Variants in DTWD2 observed in about 807,000 individuals in gnomAD.
DTWD2 encodes tRNA-uridine aminocarboxypropyltransferase 2.
In DTWD2, 39 loss-of-function variants were observed where a neutral mutation model predicts 31.8. That is an observed-to-expected ratio of 1.22 (90% CI 0.95 to 1.60). The LOEUF (loss-of-function observed/expected upper bound fraction) is 1.60, where lower values mean the gene tolerates loss of function less well. Among genes scored for constraint, DTWD2 ranks in the 40% most tolerant of loss-of-function variants. The pLI, the probability that DTWD2 is intolerant of heterozygous loss-of-function variation, is 0.00. For synonymous variants in DTWD2, 180 were observed against 142.8 expected (o/e 1.26, Z -1.86); for missense variants, 515 against 381.5 (o/e 1.35, Z -2.92).
chr5:118,967,845 G>A (rs1004011123), intron 1 of DTWD2, among the ~76,000 whole-genome samples: 3 of 152,222 alleles, frequency 2.0e-5, no homozygotes, highest in Middle Eastern at 6.8e-3. Flanking sequence ...ACTAAAATCA[G>A]TGGGCAAAAA....
intron 4 of DTWD2, among the ~76,000 whole-genome samples, chr5:118,924,040 G>C (rs1452445480): frequency 6.6e-6 from 1 of 152,170 alleles, no homozygotes; most frequent in Admixed American, 6.5e-5. Flanking sequence ...CACAGATTCT[G>C]TATCCCTCCC....
At chr5:118,875,465 A>AT (rs1752598901) in intron 4 of DTWD2, among the ~76,000 whole-genome samples, 1 of 151,096 alleles carries the variant, frequency 6.6e-6, no homozygotes, top group Non-Finnish European at 1.5e-5. Flanking sequence ...ACCATCTCAC[A>AT]TGCAGTGATA....
chr5:118,858,685 G>C (rs1752192879), intron 4 of DTWD2, among the ~76,000 whole-genome samples: 1 of 151,922 alleles, frequency 6.6e-6, no homozygotes, highest in African/African-American at 2.4e-5. Flanking sequence ...CAAACTTCTT[G>C]CTATTTTATT....
At chr5:118,898,295 C>T (rs1332970422) in intron 4 of DTWD2, among the ~76,000 whole-genome samples, 2 of 152,074 alleles carry the variant, frequency 1.3e-5, no homozygotes, top group Non-Finnish European at 2.9e-5. Context: ...TGGTCAGTTG[C>T]TACTGGGCAA....
intron 3 of DTWD2, among the ~76,000 whole-genome samples, chr5:118,937,249 A>T (rs1380773115): frequency 6.6e-6 from 1 of 152,134 alleles, no homozygotes; most frequent in African/African-American, 2.4e-5. Context: ...ACAAAACTCA[A>T]CAAACACCCA....
chr5:118,924,746 AAC>A (rs1256710335), intron 4 of DTWD2, among the ~76,000 whole-genome samples: 7 of 152,228 alleles, frequency 4.6e-5, no homozygotes, highest in Admixed American at 3.9e-4. Flanking sequence ...TCCATTTAGA[AAC>A]AGTATACCAC....
At chr5:118,900,692 C>T (rs1215698361) in intron 4 of DTWD2, among the ~76,000 whole-genome samples, 1 of 151,878 alleles carries the variant, frequency 6.6e-6, no homozygotes, top group African/African-American at 2.4e-5. Context: ...TTTGGGAGGC[C>T]AAGACGGGCA....
chr5:118,939,240 C>G lies in DTWD2; in HGVS notation c.360G>C (p.Gln120His). The G allele has an allele frequency of 6.2e-7, 1 of 1,603,056 alleles. No individual in the cohort carries two copies. The change falls in exon 3 of 6, where the codon CAG (glutamine) becomes CAC (histidine). Residue 120 changes from glutamine (Q) to histidine (H), a missense_variant. Transcript: ENST00000510708. ...GACCGATCTTCACTTTACACTTGTC[C>G]TGGGGGAGGCATGCTGCTAGTAGAG... is the stretch of plus-strand genomic sequence containing the variant. ...TVPLLAACLP[Q>H]DKCKVKIGRR... is the part of the protein sequence containing the mutation.
At chr5:118,976,459 GA>G (rs573618009) in intron 1 of DTWD2, among the ~76,000 whole-genome samples, 2,542 of 151,948 alleles carry the variant, frequency 0.017, 74 homozygotes, top group African/African-American at 0.058. Context: ...TAATAAAGAA[GA>G]AAAAAGAGAA....
intron 4 of DTWD2, among the ~76,000 whole-genome samples, chr5:118,858,823 C>CA (rs1752195582): frequency 6.6e-6 from 1 of 152,154 alleles, no homozygotes; most frequent in Non-Finnish European, 1.5e-5. Flanking sequence ...TGTCTCAAAA[C>CA]AAATACAGCT....
intron 4 of DTWD2, among the ~76,000 whole-genome samples, chr5:118,880,837 A>C (rs1355186428): frequency 6.6e-6 from 1 of 152,198 alleles, no homozygotes; most frequent in Non-Finnish European, 1.5e-5. Context: ...TAGTTTGAAG[A>C]AGTATTTTGT....
At chr5:118,882,375 T>C (rs1348814596) in intron 4 of DTWD2, among the ~76,000 whole-genome samples, 1 of 152,214 alleles carries the variant, frequency 6.6e-6, no homozygotes, top group Non-Finnish European at 1.5e-5. Flanking sequence ...ATCTGTGGCT[T>C]TTCCAGGTGC....
intron 1 of DTWD2, among the ~76,000 whole-genome samples, chr5:118,961,148 C>T (rs553433254): frequency 6.6e-5 from 10 of 152,034 alleles, no homozygotes; most frequent in Admixed American, 5.2e-4. Flanking sequence ...AGAGAACAAA[C>T]GTCTCATGTC....
chr5:118,911,025 T>C (rs1235157227), intron 4 of DTWD2, among the ~76,000 whole-genome samples: 3 of 152,148 alleles, frequency 2.0e-5, no homozygotes, highest in Non-Finnish European at 4.4e-5. Context: ...AGGTTTCAAA[T>C]AAAAATTTTG....
At chr5:118,905,093 T>C (rs893561261) in intron 4 of DTWD2, among the ~76,000 whole-genome samples, 1 of 152,166 alleles carries the variant, frequency 6.6e-6, no homozygotes, top group African/African-American at 2.4e-5. Flanking sequence ...CATATGTATG[T>C]ACATGTGTGG....
intron 1 of DTWD2, among the ~76,000 whole-genome samples, chr5:118,971,602 G>C (rs1216006887): frequency 6.6e-6 from 1 of 152,060 alleles, no homozygotes; most frequent in Non-Finnish European, 1.5e-5. Flanking sequence ...AGATATTCAG[G>C]ACCTGAACTT....
intron 5 of DTWD2, 44 bp from the exon 6 acceptor site, chr5:118,841,131 C>G: frequency 1.3e-6 from 2 of 1,558,382 alleles, no homozygotes; most frequent in Non-Finnish European, 1.7e-6. Context: ...TGTGACAAAT[C>G]ATGATATTCT....
intron 1 of DTWD2, among the ~76,000 whole-genome samples, chr5:118,958,584 CA>C (rs139781494): frequency 0.46 from 49,604 of 107,762 alleles, 9,542 homozygotes; most frequent in East Asian, 0.9. Context: ...CACAGAAAGA[CA>C]AAAAAAAAAA....
At chr5:118,948,672 C>T (rs548313754) in intron 1 of DTWD2, among the ~76,000 whole-genome samples, 3 of 151,964 alleles carry the variant, frequency 2.0e-5, no homozygotes, top group East Asian at 1.9e-4. Context: ...CTACAGGGCA[C>T]GGTCCCGGCT....
Sources: gnomAD v4.1 joint callset for allele counts (sites outside exome capture counted in the v4.1 genomes callset) on GRCh38, gnomAD v4.1.1 for gene constraint, MANE v1.5 for transcripts, NCBI Gene and HGNC (gene_info 2026-07-23, HGNC 2026-07-21) for gene names.